Variants in PCDHA1 observed in about 807,000 individuals in gnomAD.
PCDHA1 encodes protocadherin alpha 1, also known as protocadherin alpha-1.
A neutral mutation model predicts 61.3 loss-of-function variants in PCDHA1; 42 were observed. The observed-to-expected ratio is 0.69, with a 90% CI of 0.54 to 0.89. The LOEUF is 0.89. Ranked by LOEUF, PCDHA1 falls within the 40% of genes least tolerant of loss-of-function variation. The probability of loss-of-function intolerance (pLI) is 0.00; values close to 1 mark genes in which losing one functional copy is unlikely to be tolerated. For synonymous variants in PCDHA1, 610 were observed against 553.8 expected, an observed-to-expected ratio of 1.10 and a Z score of -1.43; for missense variants, 1,256 against 1,235.3, an observed-to-expected ratio of 1.02 and a Z score of -0.25.
intron 3 of PCDHA1, 123 bp from the exon 4 acceptor site, chr5:141,009,504 A>G: frequency 1.3e-6 from 2 of 1,497,074 alleles, no homozygotes; most frequent in Non-Finnish European, 1.8e-6. Flanking sequence ...ACTTGAACAA[A>G]CAACTCGTGA....
rs782779617 is a variant in PCDHA1 at position 140,857,239 on chromosome 5, G to C, written c.2394+68555G>C. On this transcript the variant is annotated intron_variant, in intron 1 of 3. Coordinates refer to ENST00000504120, the MANE Select transcript of PCDHA1 (RefSeq NM_018900.4). ...CGCCTCACGTTCCGTTCAAGCTGGT[G>C]TCCACCTACAAGAATTACTACTCAT... is the stretch of plus-strand genomic sequence containing the variant. The C allele has an allele frequency of 6.9e-6, 11 of 1,598,550 alleles. 2 individuals carry two copies. The highest frequency in any genetic ancestry group is 7.7e-6 in the Non-Finnish European group (9 of 1,167,946).
In PCDHA1 at chr5:140,795,800, A is replaced by G. The variant is rs1761996371; in HGVS notation, c.2394+7116A>G. 6.2e-7 allele frequency: 1 copy of G among 1,613,708 alleles called. No individual in the cohort carries two copies. Among genetic ancestry groups the G allele is most frequent in the East Asian group, 2.2e-5 (1 of 44,884 alleles). ...GAAGGACCGAACAGCGAGATTGTGTATTCACTCGGTAGTGATGTGTCCTCC... is the reference window on the plus strand; with the variant it reads ...GAAGGACCGAACAGCGAGATTGTGTGTTCACTCGGTAGTGATGTGTCCTCC... On this transcript the variant is annotated intron_variant, in intron 1 of 3. Transcript: ENST00000504120.
rs548982188 is a variant in PCDHA1 at position 140,788,820 on chromosome 5, A to T, written c.2394+136A>T. The T allele has an allele frequency of 2.1e-6, 3 of 1,416,174 alleles. No homozygotes were observed. In the African/African-American group the frequency reaches 4.3e-5, roughly 20 times the overall value. The allele number at this position is 1,416,174 out of a possible 1,614,324, so 87.7% of individuals were successfully genotyped here. Reference sequence around the variant, plus strand: ...AAATAAATCATACCATTGAATGTAGATATCCTATTAATGGCAGTTTTGTCT... The same window carrying T: ...AAATAAATCATACCATTGAATGTAGTTATCCTATTAATGGCAGTTTTGTCT... On this transcript the variant is annotated intron_variant, in intron 1 of 3. Coordinates refer to ENST00000504120, the MANE Select transcript of PCDHA1 (RefSeq NM_018900.4).
intron 1 of PCDHA1, chr5:140,811,423 G>A (rs954337823): frequency 1.3e-5 from 2 of 152,158 alleles, no homozygotes; most frequent in African/African-American, 4.8e-5. Flanking sequence ...GGACATTTGG[G>A]TTGGTTCCAA....
At chr5:140,884,496 G>T (rs782182672) in intron 1 of PCDHA1, 1 of 1,614,094 alleles carries the variant, frequency 6.2e-7, no homozygotes, top group Non-Finnish European at 8.5e-7. Flanking sequence ...GTGTGCTCCA[G>T]CGCGGCAGGG....
intron 1 of PCDHA1, chr5:140,969,253 C>G (rs200334724): frequency 7.4e-6 from 12 of 1,614,084 alleles, no homozygotes; most frequent in Non-Finnish European, 8.5e-7. Context: ...TGACTGACAG[C>G]AGGAATCTCA....
At chr5:140,923,116 T>C (rs1418111802) in intron 1 of PCDHA1, among the ~76,000 whole-genome samples, 1 of 152,216 alleles carries the variant, frequency 6.6e-6, no homozygotes, top group African/African-American at 2.4e-5. Flanking sequence ...TTTAAGTTTT[T>C]AGGGTCACAC....
intron 1 of PCDHA1, chr5:140,829,748 G>A (rs1179697520): frequency 1.2e-6 from 2 of 1,613,722 alleles, no homozygotes; most frequent in East Asian, 2.2e-5. Flanking sequence ...GACGCTGCAG[G>A]TGTTCGTGCT....
At chr5:140,957,919 A>G (rs1477103013) in intron 1 of PCDHA1, among the ~76,000 whole-genome samples, 1 of 152,158 alleles carries the variant, frequency 6.6e-6, no homozygotes, top group Non-Finnish European at 1.5e-5. Flanking sequence ...TTATCTATGT[A>G]TCAAGCTAAA....
At chr5:140,870,019 A>C (rs371365026) in intron 1 of PCDHA1, 6 of 1,613,574 alleles carry the variant, frequency 3.7e-6, no homozygotes, top group Non-Finnish European at 5.1e-6. Context: ...GGTCAATGGA[A>C]CTTTAGATTA....
chr5:140,984,304 G>A (rs1587007644), intron 3 of PCDHA1, among the ~76,000 whole-genome samples: 1 of 152,168 alleles, frequency 6.6e-6, no homozygotes, highest in Admixed American at 6.5e-5. Context: ...GATGCTGGTT[G>A]GTGTGTATTC....
At chr5:140,829,309 G>C (rs2150165707) in intron 1 of PCDHA1, 8 of 1,614,134 alleles carry the variant, frequency 5.0e-6, no homozygotes, top group Non-Finnish European at 6.8e-6. Flanking sequence ...ATTACTACTC[G>C]TTGGTGCTGG....
chr5:140,797,253 C>T (rs1554120364), intron 1 of PCDHA1: 11 of 1,613,860 alleles, frequency 6.8e-6, no homozygotes, highest in African/African-American at 4.0e-5. Flanking sequence ...CTGGGGAGGA[C>T]CCCCCCAAGA....
chr5:140,797,359 C>G lies in PCDHA1; in HGVS notation c.2394+8675C>G, dbSNP rs782499086. 11 of 1,611,380 alleles carry G rather than the reference C, an allele frequency of 6.8e-6. No homozygotes were observed. In the East Asian group the frequency reaches 2.5e-4, roughly 36 times the overall value. On this transcript the variant is annotated intron_variant, in intron 1 of 3. Transcript: ENST00000504120. ...ATCAGAATACGTAGGAAAGGTGAGT[C>G]TTTTACTTTTTCTTGCCAATTCTAA...
chr5:140,830,592 A>G (rs1771150807), intron 1 of PCDHA1: 1 of 705,520 alleles, frequency 1.4e-6, no homozygotes, highest in Non-Finnish European at 2.1e-6. Flanking sequence ...TTAATTTTAC[A>G]AAATTACATA....
chr5:140,871,171 G>GCTGC (rs782249857), intron 1 of PCDHA1: 2 of 1,613,534 alleles, frequency 1.2e-6, no homozygotes, highest in Non-Finnish European at 1.7e-6. Flanking sequence ...GAGCCCAGAG[G>GCTGC]CTGCGCTGGT....
chr5:140,969,408 T>C (rs2096327357), intron 1 of PCDHA1: 6 of 1,573,824 alleles, frequency 3.8e-6, no homozygotes, highest in Non-Finnish European at 5.2e-6. Flanking sequence ...GATTTGGCTT[T>C]ATTGAGTCAT....
chr5:140,877,544 C>T (rs782624202), intron 1 of PCDHA1: 2 of 1,613,794 alleles, frequency 1.2e-6, no homozygotes, highest in Non-Finnish European at 1.7e-6. Context: ...GATCCCGAAG[C>T]GGCTCTGGTG....
Position 140,852,234 on chromosome 5 carries a change from C to T in PCDHA1, c.2394+63550C>T, listed in dbSNP as rs2150513960. On this transcript the variant is annotated intron_variant, in intron 1 of 3. Coordinates refer to ENST00000504120, the MANE Select transcript of PCDHA1 (RefSeq NM_018900.4). The stretch of plus-strand genomic sequence containing the variant: ...AAAATATTTTAATTTTTAAATTTTC[C>T]CTTAAAACACACTTTTGGAATATGC... 9.0e-5 allele frequency: 51 copies of T among 567,386 alleles called. 1 individual carries two copies. In the East Asian group the frequency reaches 2.4e-3, roughly 26 times the overall value. 35.1% of individuals were successfully genotyped at this position (567,386 alleles called of 1,614,324 possible).
Sources: gnomAD v4.1 joint callset for allele counts (sites outside exome capture counted in the v4.1 genomes callset) on GRCh38, gnomAD v4.1.1 for gene constraint, MANE v1.5 for transcripts, NCBI Gene and HGNC (gene_info 2026-07-23, HGNC 2026-07-21) for gene names.